Variants in CDC73 observed in about 807,000 individuals in gnomAD.
CDC73 encodes the protein cell division cycle 73, also known as parafibromin.
A neutral mutation model predicts 83.7 loss-of-function variants in CDC73; 21 were observed. The ratio of observed to expected loss-of-function variants is 0.25; its 90% confidence interval spans 0.18 to 0.36. CDC73 has a LOEUF of 0.36. Ranked by LOEUF, CDC73 falls within the 10% of genes least tolerant of loss-of-function variation. The pLI, the probability that CDC73 is intolerant of heterozygous loss-of-function variation, is 1.00. For missense variants in CDC73, 342 were observed against 653.3 expected (o/e 0.52, Z 5.19); for synonymous variants, 224 against 212.9 (o/e 1.05, Z -0.45).
At chr1:193,186,612 G>A (rs1676813247) in intron 10 of CDC73, 1 of 152,136 alleles carries the variant, frequency 6.6e-6, no homozygotes, top group Admixed American at 6.6e-5. Context: ...CAGTTTAAAT[G>A]TGGGCTTGAC....
At chr1:193,219,225 A>G (rs986611947) in intron 13 of CDC73, among the ~76,000 whole-genome samples, 1 of 152,242 alleles carries the variant, frequency 6.6e-6, no homozygotes, top group African/African-American at 2.4e-5. Flanking sequence ...GGCTATTATG[A>G]AAACATCAGA....
chr1:193,134,211 A>G (rs943839684), intron 3 of CDC73, among the ~76,000 whole-genome samples: 1 of 152,040 alleles, frequency 6.6e-6, no homozygotes, highest in African/African-American at 2.4e-5. Context: ...TATAATATCT[A>G]TATGTACATT....
intron 10 of CDC73, 95 bp from the exon 11 acceptor site, chr1:193,203,700 A>T: frequency 2.0e-6 from 2 of 1,005,168 alleles, no homozygotes; most frequent in Non-Finnish European, 3.1e-6. Context: ...AAACAGAACA[A>T]GAGACAGAGA....
intron 13 of CDC73, among the ~76,000 whole-genome samples, chr1:193,224,695 T>C (rs1677536425): frequency 6.6e-6 from 1 of 152,200 alleles, no homozygotes; most frequent in Admixed American, 6.5e-5. Flanking sequence ...TGTACATATA[T>C]GAGTACAAGT....
chr1:193,225,158 T>C (rs1242368306), intron 13 of CDC73, among the ~76,000 whole-genome samples: 1 of 151,878 alleles, frequency 6.6e-6, no homozygotes, highest in Non-Finnish European at 1.5e-5. Context: ...CCTGAGTTAC[T>C]TCACTTAGGC....
chr1:193,202,227 A>G (rs1035104654), intron 10 of CDC73, among the ~76,000 whole-genome samples: 1 of 148,732 alleles, frequency 6.7e-6, no homozygotes, highest in Non-Finnish European at 1.5e-5. Flanking sequence ...ATCTAGGTGC[A>G]GTTCAGTTCA....
chr1:193,212,244 A>G, intron 12 of CDC73, 144 bp downstream of exon 12: 1 of 837,354 alleles, frequency 1.2e-6, no homozygotes, highest in Admixed American at 2.7e-5. Context: ...CACACTGATT[A>G]TTAAATATTT....
intron 8 of CDC73, among the ~76,000 whole-genome samples, chr1:193,149,829 G>A (rs960047136): frequency 6.6e-6 from 1 of 151,812 alleles, no homozygotes; most frequent in African/African-American, 2.4e-5. Context: ...TAGACTGACA[G>A]CCTTTTCTAA....
chr1:193,145,203 T>A (rs1403744999), intron 7 of CDC73, among the ~76,000 whole-genome samples: 1 of 152,342 alleles, frequency 6.6e-6, no homozygotes, highest in East Asian at 1.9e-4. Context: ...AGGAGACTGA[T>A]GGATTTTAAA....
chr1:193,200,438 C>T (rs1433549968), intron 10 of CDC73, among the ~76,000 whole-genome samples: 1 of 152,162 alleles, frequency 6.6e-6, no homozygotes, highest in Non-Finnish European at 1.5e-5. Context: ...GCAAGGATTG[C>T]TTGTAAACAG....
chr1:193,130,882 C>T (rs1249300641), intron 3 of CDC73, among the ~76,000 whole-genome samples: 2 of 152,154 alleles, frequency 1.3e-5, no homozygotes, highest in Non-Finnish European at 2.9e-5. Context: ...TTTGGAACAC[C>T]AGCCTCTTGG....
intron 3 of CDC73, among the ~76,000 whole-genome samples, chr1:193,131,677 A>G (rs1458382002): frequency 6.6e-6 from 1 of 152,130 alleles, no homozygotes. Context: ...TCTTTTAGCT[A>G]TGCTAATCTT....
chr1:193,230,900 T>C (rs1362461537), intron 13 of CDC73, among the ~76,000 whole-genome samples: 1 of 152,188 alleles, frequency 6.6e-6, no homozygotes, highest in African/African-American at 2.4e-5. Context: ...AATAAAGCCT[T>C]TTTTATTGCT....
intron 9 of CDC73, 52 bp from the exon 10 acceptor site, chr1:193,152,328 A>C: frequency 8.8e-7 from 1 of 1,138,794 alleles, no homozygotes; most frequent in Non-Finnish European, 1.3e-6. Context: ...GTTATAGGTC[A>C]TAAGATACAT....
chr1:193,244,019 G>A (rs1677908122), intron 15 of CDC73, among the ~76,000 whole-genome samples: 1 of 152,100 alleles, frequency 6.6e-6, no homozygotes, highest in Admixed American at 6.5e-5. Flanking sequence ...CTTATACCAG[G>A]TTGATACTGA....
At chr1:193,208,672 G>A (rs74130933) in intron 11 of CDC73, among the ~76,000 whole-genome samples, 3,224 of 152,090 alleles carry the variant, frequency 0.021, 112 homozygotes, top group African/African-American at 0.074. Context: ...ACTTGCCAGT[G>A]TCACTTAAAT....
intron 10 of CDC73, among the ~76,000 whole-genome samples, chr1:193,190,414 A>C (rs1464136683): frequency 6.6e-6 from 1 of 152,190 alleles, no homozygotes; most frequent in Non-Finnish European, 1.5e-5. Flanking sequence ...CTTTTTGAAG[A>C]GAAGTCAAAT....
rs1677156797 is a variant in CDC73 at position 193,204,668 on chromosome 1, C to T, written c.1030+816C>T. On this transcript the variant is annotated intron_variant, in intron 11 of 16. Coordinates refer to ENST00000367435, the MANE Select transcript of CDC73 (RefSeq NM_024529.5). ...AAATAGGTTATAAAACACTGTTTTT[C>T]AATAATGGATTTATACTATAGAACA... Among the ~76,000 whole-genome samples, 3 of 151,742 alleles carry T rather than the reference C, an allele frequency of 2.0e-5. No homozygotes were observed. The South Asian group carries it at 6.3e-4, about 32-fold the overall frequency.
intron 3 of CDC73, among the ~76,000 whole-genome samples, chr1:193,134,904 A>G (rs1353805832): frequency 6.6e-6 from 1 of 152,206 alleles, no homozygotes; most frequent in Non-Finnish European, 1.5e-5. Context: ...GGGGACAGGT[A>G]TACCCCTTTT....
Sources: allele counts gnomAD v4.1 joint callset (sites outside exome capture counted in the v4.1 genomes callset), GRCh38; gene constraint gnomAD v4.1.1; transcripts MANE v1.5; gene names NCBI Gene and HGNC (gene_info 2026-07-23, HGNC 2026-07-21).